ZNF516: variants seen among roughly 807,000 people sequenced by gnomAD.
The protein encoded by ZNF516 is zinc finger protein 516.
A neutral mutation model predicts 79.7 loss-of-function variants in ZNF516; 19 were observed. That is an observed-to-expected ratio of 0.24 (90% confidence interval 0.17 to 0.35). The LOEUF (loss-of-function observed/expected upper bound fraction) is 0.35. ZNF516 is among the 10% of genes least tolerant of loss of function. The pLI, the probability that ZNF516 is intolerant of heterozygous loss-of-function variation, is 1.00. For synonymous variants in ZNF516, 877 were observed against 739.5 expected (o/e 1.19, Z -3.02); for missense variants, 1,678 against 1,679.5 (o/e 1.00, Z 0.02).
chr18:76,441,538 G>A lies in ZNF516; in HGVS notation c.1517C>T (p.Ala506Val). The A allele has an allele frequency of 6.4e-7, 1 of 1,562,722 alleles. No individual in the cohort carries two copies. The highest frequency in any genetic ancestry group is 1.2e-5 in the South Asian group (1 of 85,518). Residue 506 changes from alanine to valine, a missense_variant, in exon 3 of 7, where the codon GCA becomes GTA. By Grantham distance (64) the Ala-to-Val change is moderately conservative. Transcript: ENST00000443185. ...RSAARPNRRA[A>V]ATTGQGKSSE... ...GGACTTGCCCTGGCCGGTGGTGGCTGCGGCCCTGCGGTTGGGGCGCGCGGC... is the reference window on the plus strand; with the variant it reads ...GGACTTGCCCTGGCCGGTGGTGGCTACGGCCCTGCGGTTGGGGCGCGCGGC...
intron 3 of ZNF516, among the ~76,000 whole-genome samples, chr18:76,417,752 T>C (rs2075450546): frequency 6.6e-6 from 1 of 152,210 alleles, no homozygotes; most frequent in Non-Finnish European, 1.5e-5. Flanking sequence ...TCATTTCCTT[T>C]ATGGAATTAC....
At chr18:76,458,672 C>T (rs1018133134) in intron 2 of ZNF516, among the ~76,000 whole-genome samples, 12 of 124,974 alleles carry the variant, frequency 9.6e-5, no homozygotes, top group Admixed American at 2.3e-4. Context: ...GCCTCACCGT[C>T]GTGTGTGCGT....
rs1408151460 is a variant in ZNF516, at chr18:76,441,250, G to A, written c.1805C>T (p.Ala602Val). Residue 602 changes from alanine (A) to valine (V), a missense_variant, in exon 3 of 7, where the codon GCA (alanine) becomes GTA (valine). By Grantham distance (64) the Ala-to-Val change is moderately conservative. Transcript: ENST00000443185. ...DSGEEGAPEP[A>V]PGGQPRRCCF... Reference sequence around the variant, plus strand: ...ACCTGGGTACACTTGCTCACCTGGTGCAGGTTCAGGGGCGCCCTCCTCACC... The same window carrying A: ...ACCTGGGTACACTTGCTCACCTGGTACAGGTTCAGGGGCGCCCTCCTCACC... The A allele has an allele frequency of 1.2e-6, 2 of 1,609,306 alleles. No homozygotes were observed. The highest frequency in any genetic ancestry group is 1.7e-5 in the Admixed American group (1 of 59,668).
chr18:76,445,595 C>G (rs1024085943), intron 2 of ZNF516, among the ~76,000 whole-genome samples: 1 of 152,100 alleles, frequency 6.6e-6, no homozygotes, highest in East Asian at 1.9e-4. Context: ...ATAGAAAATA[C>G]GTTTACAGGG....
rs75165152 is a variant in ZNF516 at position 76,418,774 on chromosome 18, C to T, written c.1810+22471G>A. Among the ~76,000 whole-genome samples, 816 of 152,104 alleles carry T rather than the reference C, an allele frequency of 5.4e-3. 2 individuals carry two copies. Among genetic ancestry groups the T allele is most frequent in the African/African-American group, 0.019 (785 of 41,438 alleles). ...CAAACGCTATAATGCAATGCAAAGCCGGGGAAAATGAATTTAGTTTTAAAG... is the reference window on the plus strand; with the variant it reads ...CAAACGCTATAATGCAATGCAAAGCTGGGGAAAATGAATTTAGTTTTAAAG... On this transcript the variant is annotated intron_variant, in intron 3 of 6. Coordinates refer to ENST00000443185, the MANE Select transcript of ZNF516 (RefSeq NM_014643.4).
At chr18:76,462,023 C>T (rs1020602351) in intron 2 of ZNF516, among the ~76,000 whole-genome samples, 9 of 152,216 alleles carry the variant, frequency 5.9e-5, no homozygotes, top group Admixed American at 2.6e-4. Flanking sequence ...GCCCTGGCTC[C>T]CACCCTTCCC....
At position 76,442,662 on chromosome 18, in the gene ZNF516, G is replaced by A. The variant is rs763678757; in HGVS notation, c.393C>T (p.Ala131=). 6.3e-7 allele frequency: 1 copy of A among 1,585,344 alleles called. No homozygotes were observed. Among genetic ancestry groups the A allele is most frequent in the Non-Finnish European group, 8.5e-7 (1 of 1,170,414 alleles). Residue 131 remains alanine (A), a synonymous_variant, in exon 3 of 7, where the codon GCC becomes GCT. Coordinates refer to ENST00000443185, the MANE Select transcript of ZNF516 (RefSeq NM_014643.4). The part of the protein sequence containing the change: ...ASACNRLLNG[A]SQADGARVLN... ...GGACCCTGGCGCCGTCGGCCTGCGA[G>A]GCCCCGTTCAGCAGCCGGTTGCAGG...
At chr18:76,481,162 G>C (rs1049509893) in intron 1 of ZNF516, among the ~76,000 whole-genome samples, 1 of 152,186 alleles carries the variant, frequency 6.6e-6, no homozygotes, top group Non-Finnish European at 1.5e-5. Context: ...GAGGCAGGAC[G>C]GGACCAAGTC....
At position 76,473,616 on chromosome 18, in the gene ZNF516, AC is replaced by A. The variant is rs1242383874; in HGVS notation, c.-271-10476del. On this transcript the variant is annotated intron_variant, in intron 1 of 6. Transcript: ENST00000443185. ...GGAGATGGAGACCATCCTAGCTAAC[AC>A]GGTGAAACCCTGTCTCTACTAAAAA... 2.0e-5 allele frequency among the ~76,000 whole-genome samples: 3 copies of A among 152,188 alleles called. No homozygotes were observed. The East Asian group carries it at 5.8e-4, about 29-fold the overall frequency.
chr18:76,431,663 G>A (rs1023642232), intron 3 of ZNF516, among the ~76,000 whole-genome samples: 1 of 152,144 alleles, frequency 6.6e-6, no homozygotes, highest in Non-Finnish European at 1.5e-5. Context: ...GAGATCTGGC[G>A]GTTTCAGAGT....
At chr18:76,492,735 C>T in intron 1 of ZNF516, 1 of 985,584 alleles carries the variant, frequency 1.0e-6, no homozygotes. Context: ...CACAGCCCTC[C>T]TCTTTTCTCC....
At chr18:76,483,510 G>A (rs549183629) in intron 1 of ZNF516, among the ~76,000 whole-genome samples, 37 of 152,214 alleles carry the variant, frequency 2.4e-4, no homozygotes, top group Admixed American at 1.8e-3. Flanking sequence ...TGTCTGTCAC[G>A]GGTCATCTGC....
Position 76,411,282 on chromosome 18 carries a change from G to C in ZNF516, c.1810+29963C>G, listed in dbSNP as rs556298427. On this transcript the variant is annotated intron_variant, in intron 3 of 6. Transcript: ENST00000443185. ...GTCGTGTACCTTTCGCAATACCCCA[G>C]AGACAAAATGCCTCACTGCACCCCA... Among the ~76,000 whole-genome samples the C allele has an allele frequency of 3.0e-4, 45 of 152,284 alleles. 1 individual carries two copies. The highest frequency in any genetic ancestry group is 9.4e-4 in the African/African-American group (39 of 41,558).
chr18:76,449,000 T>C (rs147003977), intron 2 of ZNF516, among the ~76,000 whole-genome samples: 20 of 152,276 alleles, frequency 1.3e-4, no homozygotes, highest in African/African-American at 4.8e-4. Flanking sequence ...GCTTGAATTC[T>C]AAGTACTTTT....
At position 76,358,760 on chromosome 18, in the gene ZNF516, A is replaced by G. The variant is rs951109634; in HGVS notation, c.*3738T>C. On this transcript the variant is annotated 3_prime_UTR_variant, in exon 7 of 7. Coordinates refer to ENST00000443185, the MANE Select transcript of ZNF516 (RefSeq NM_014643.4). Reference sequence around the variant, plus strand: ...CCTCTGAGAATTTGCTGGGGGTGGCAGAGGAGGGTTTGTCTAGTTTGAAGG... The same window carrying G: ...CCTCTGAGAATTTGCTGGGGGTGGCGGAGGAGGGTTTGTCTAGTTTGAAGG... 2 of 152,166 alleles carry G rather than the reference A, an allele frequency of 1.3e-5. No individual in the cohort carries two copies. The highest frequency in any genetic ancestry group is 4.8e-5 in the African/African-American group (2 of 41,426). 9.4% of individuals were successfully genotyped at this position (152,166 alleles called of 1,614,324 possible).
rs76808987 is a variant in ZNF516 at position 76,440,696 on chromosome 18, T to C, written c.1810+549A>G. On this transcript the variant is annotated intron_variant, in intron 3 of 6. Transcript: ENST00000443185. ...TTATAACTGCACACCAATTTGAAGA[T>C]AGTCTTCTACCCAGCTGGAGTGGAG... Among the ~76,000 whole-genome samples the C allele has an allele frequency of 7.8e-3, 1,180 of 151,988 alleles. 21 individuals carry two copies. Among genetic ancestry groups the C allele is most frequent in the African/African-American group, 0.027 (1,138 of 41,454 alleles).
chr18:76,410,092 G>A (rs1480699457), intron 3 of ZNF516, among the ~76,000 whole-genome samples: 2 of 152,196 alleles, frequency 1.3e-5, no homozygotes, highest in African/African-American at 4.8e-5. Context: ...GCCATGGGGA[G>A]CTATGAGTCC....
intron 2 of ZNF516, among the ~76,000 whole-genome samples, chr18:76,444,355 C>T (rs1034045070): frequency 2.6e-5 from 4 of 152,122 alleles, no homozygotes; most frequent in African/African-American, 9.7e-5. Flanking sequence ...CTTCTGGGGC[C>T]GGCTCCAGAC....
chr18:76,465,873 G>A (rs1310131020), intron 1 of ZNF516, among the ~76,000 whole-genome samples: 1 of 152,178 alleles, frequency 6.6e-6, no homozygotes, highest in Admixed American at 6.5e-5. Context: ...GACCAGCAGG[G>A]ACTTGGGAGA....
Sources: gnomAD v4.1 joint callset for allele counts (sites outside exome capture counted in the v4.1 genomes callset) on GRCh38, gnomAD v4.1.1 for gene constraint, MANE v1.5 for transcripts, NCBI Gene and HGNC (gene_info 2026-07-23, HGNC 2026-07-21) for gene names.